Variants in ITPR1 observed in about 807,000 individuals in gnomAD.
ITPR1 encodes inositol 1,4,5-trisphosphate-gated calcium channel ITPR1.
Under a neutral mutation model 318.4 loss-of-function variants are expected in ITPR1, and 96 were observed. The observed-to-expected ratio is 0.30, with a 90% confidence interval of 0.26 to 0.36. The LOEUF is 0.36. Among genes scored for constraint, ITPR1 ranks in the 10% least tolerant of loss-of-function variants. The pLI is 1.00. For synonymous variants in ITPR1, 1,312 were observed against 1,289.9 expected, an observed-to-expected ratio of 1.02 and a Z score of -0.37; for missense variants, 2,440 against 3,460.2, an observed-to-expected ratio of 0.71 and a Z score of 7.40.
At chr3:4,669,308 C>T (rs545172711) in intron 18 of ITPR1, among the ~76,000 whole-genome samples, 6 of 152,356 alleles carry the variant, frequency 3.9e-5, no homozygotes, top group East Asian at 1.9e-4. Context: ...TTCCAACACA[C>T]GTAGCCAAAC....
At chr3:4,756,864 C>T (rs747450527) in intron 44 of ITPR1, among the ~76,000 whole-genome samples, 1 of 152,256 alleles carries the variant, frequency 6.6e-6, no homozygotes, top group Non-Finnish European at 1.5e-5. Context: ...ATCCACCTAT[C>T]TTACACCTTC....
At chr3:4,778,209 T>C (rs747107828) in intron 48 of ITPR1, among the ~76,000 whole-genome samples, 2 of 152,236 alleles carry the variant, frequency 1.3e-5, no homozygotes, top group African/African-American at 2.4e-5. Flanking sequence ...AATCCCATGA[T>C]TCAGTTTTAA....
chr3:4,501,778 C>T, intron 2 of ITPR1, among the ~76,000 whole-genome samples: 1 of 152,292 alleles, frequency 6.6e-6, no homozygotes, highest in East Asian at 1.9e-4. Context: ...TCGCTGTTCA[C>T]ATGAAGGCAG....
At chr3:4,704,826 C>T (rs2094724480) in intron 36 of ITPR1, among the ~76,000 whole-genome samples, 1 of 151,660 alleles carries the variant, frequency 6.6e-6, no homozygotes, top group African/African-American at 2.4e-5. Flanking sequence ...TTCCTCATGA[C>T]TAATACCACA....
chr3:4,779,721 TTC>T lies in ITPR1; in HGVS notation c.6387+77_6387+78del. 1.2e-5 allele frequency: 12 copies of T among 1,008,276 alleles called. No individual in the cohort carries two copies. Among genetic ancestry groups the T allele is most frequent in the Non-Finnish European group, 1.7e-5 (11 of 650,008 alleles). 62.5% of individuals were successfully genotyped at this position (1,008,276 alleles called of 1,614,324 possible). On this transcript the variant is annotated intron_variant, in intron 49 of 61. Transcript: ENST00000649015. The surrounding 1 kb of genome is among the most constrained non-coding windows in gnomAD (Gnocchi z 4.0). ...ATTTGGGACAGAGCAGAGGATCTGC[TTC>T]CTGGAGCTTTCTTGAAGGTTCCCAA...
chr3:4,828,701 G>T (rs1040435744), intron 60 of ITPR1, among the ~76,000 whole-genome samples: 6 of 152,198 alleles, frequency 3.9e-5, no homozygotes, highest in African/African-American at 1.4e-4. Context: ...AGAAACGGGT[G>T]TGGTTCTCTC....
chr3:4,696,883 A>G (rs559452428), intron 33 of ITPR1, among the ~76,000 whole-genome samples: 43 of 152,292 alleles, frequency 2.8e-4, no homozygotes, highest in Middle Eastern at 3.4e-3. Context: ...CTTAATTTCA[A>G]ATAGTCAAAC....
intron 40 of ITPR1, among the ~76,000 whole-genome samples, chr3:4,717,966 TC>T (rs1429877114): frequency 6.6e-6 from 1 of 152,208 alleles, no homozygotes; most frequent in Non-Finnish European, 1.5e-5. Context: ...ATGTCCTGTA[TC>T]CATGGCTTCT....
chr3:4,536,533 T>C (rs1559404672), intron 4 of ITPR1, among the ~76,000 whole-genome samples: 2 of 152,216 alleles, frequency 1.3e-5, no homozygotes, highest in Non-Finnish European at 2.9e-5. Context: ...ATAGAAATGC[T>C]CCCTGCCCTT....
intron 4 of ITPR1, among the ~76,000 whole-genome samples, chr3:4,605,160 A>G (rs2091613419): frequency 2.0e-5 from 3 of 152,094 alleles, no homozygotes; most frequent in Admixed American, 6.5e-5. Context: ...TTTAGTAAAG[A>G]TGGGGTTTCA....
chr3:4,514,296 A>G (rs1195088819), intron 2 of ITPR1, among the ~76,000 whole-genome samples: 1 of 152,230 alleles, frequency 6.6e-6, no homozygotes, highest in African/African-American at 2.4e-5. Flanking sequence ...AATGGTGGGC[A>G]TGAGAAATCC....
rs566211682 is a variant in ITPR1, at chr3:4,746,429, A to G, written c.5544+11075A>G. ...ATGCCTGCCAATCCCCAGCGGGGCC[A>G]TGAACTCAGATGCCTTTGCTTCATG... is the stretch of plus-strand genomic sequence containing the variant. On this transcript the variant is annotated intron_variant, in intron 44 of 61. Transcript: ENST00000649015. Among the ~76,000 whole-genome samples the G allele has an allele frequency of 4.6e-5, 7 of 152,290 alleles. No homozygotes were observed. In the East Asian group the frequency reaches 1.2e-3, roughly 25 times the overall value.
At chr3:4,788,202 G>T in intron 52 of ITPR1, 63 bp downstream of exon 52, 1 of 1,299,612 alleles carries the variant, frequency 7.7e-7, no homozygotes, top group Non-Finnish European at 1.1e-6. Flanking sequence ...ACAAACTTGG[G>T]CTTGATGGTG....
rs1442101205 is a variant in ITPR1, at chr3:4,691,134, C to G, written c.3829-10C>G. On this transcript the variant is annotated splice_polypyrimidine_tract_variant and intron_variant, in intron 31 of 61. Transcript: ENST00000649015. ...TTGTCCCTGTGCTCTTTTCCTCACTCTTGTGCCAGATCCTGGAGGCAGTAA... is the reference window on the plus strand; with the variant it reads ...TTGTCCCTGTGCTCTTTTCCTCACTGTTGTGCCAGATCCTGGAGGCAGTAA... 3 of 1,598,108 alleles carry G rather than the reference C, an allele frequency of 1.9e-6. No individual in the cohort carries two copies. Among genetic ancestry groups the G allele is most frequent in the Non-Finnish European group, 8.6e-7 (1 of 1,168,724 alleles).
chr3:4,802,745 C>G (rs2048313753), intron 54 of ITPR1, among the ~76,000 whole-genome samples: 1 of 151,954 alleles, frequency 6.6e-6, no homozygotes, highest in Non-Finnish European at 1.5e-5. Context: ...ACGAGAATCT[C>G]TTGAACCTGG....
At chr3:4,583,767 C>G (rs2089596869) in intron 4 of ITPR1, among the ~76,000 whole-genome samples, 1 of 152,176 alleles carries the variant, frequency 6.6e-6, no homozygotes, top group African/African-American at 2.4e-5. Context: ...GGTTGCAGCT[C>G]TGGGGTATCT....
intron 60 of ITPR1, among the ~76,000 whole-genome samples, chr3:4,821,223 T>G (rs1353404101): frequency 6.6e-6 from 1 of 152,128 alleles, no homozygotes; most frequent in Non-Finnish European, 1.5e-5. Flanking sequence ...TCTTTTAGGG[T>G]ATGTGGTCCT....
At chr3:4,550,846 A>T (rs2085493562) in intron 4 of ITPR1, among the ~76,000 whole-genome samples, 1 of 152,070 alleles carries the variant, frequency 6.6e-6, no homozygotes, top group South Asian at 2.1e-4. Flanking sequence ...TGATCATGCT[A>T]CTGTACTCCA....
At chr3:4,824,061 T>C (rs987000666) in intron 60 of ITPR1, among the ~76,000 whole-genome samples, 2 of 152,180 alleles carry the variant, frequency 1.3e-5, no homozygotes, top group African/African-American at 4.8e-5. Context: ...CCCGATACCT[T>C]GGTCTACTCT....
Sources: gnomAD v4.1 joint callset for allele counts (sites outside exome capture counted in the v4.1 genomes callset) on GRCh38, gnomAD v4.1.1 for gene constraint, Gnocchi (gnomAD v3.1) non-coding constraint, MANE v1.5 for transcripts, NCBI Gene and HGNC (gene_info 2026-07-23, HGNC 2026-07-21) for gene names.